Variants in CERT1 observed in about 807,000 individuals in gnomAD.
CERT1 encodes ceramide transporter 1, also known as ceramide transfer protein.
Under a neutral mutation model 87.9 loss-of-function variants are expected in CERT1, and 31 were observed. The observed-to-expected ratio is 0.35, with a 90% CI of 0.27 to 0.48. The LOEUF (loss-of-function observed/expected upper bound fraction) is 0.48. Ranked by LOEUF, CERT1 falls within the 20% of genes least tolerant of loss-of-function variation. CERT1 has a pLI of 0.99. For synonymous variants in CERT1, 289 were observed against 250.9 expected (o/e 1.15, Z -1.44); for missense variants, 487 against 758.0 (o/e 0.64, Z 4.20).
rs897232917 is a variant in CERT1 at position 75,511,578 on chromosome 5, G to A, written c.-371C>T. The A allele has an allele frequency of 6.8e-7, 1 of 1,462,600 alleles. No homozygotes were observed. Among genetic ancestry groups the A allele is most frequent in the African/African-American group, 1.4e-5 (1 of 70,836 alleles). 90.6% of individuals were successfully genotyped at this position (1,462,600 alleles called of 1,614,324 possible). A position where few individuals can be genotyped will look rare whatever the true frequency, so the allele number is the denominator to read the frequency against. ...AGAAAATCCGGCCGCTGAGTCCCGC[G>A]TCCACTCACACCTCCGCTACCGCCG... On this transcript the variant is annotated 5_prime_UTR_variant, in exon 1 of 17. It adds an upstream start codon to the 5' untranslated region. Transcript: ENST00000643780.
chr5:75,423,109 A>G (rs1198536625), intron 5 of CERT1, among the ~76,000 whole-genome samples: 1 of 152,242 alleles, frequency 6.6e-6, no homozygotes, highest in Non-Finnish European at 1.5e-5. Context: ...TTAAACATGT[A>G]GCAGAAAAGA....
intron 2 of CERT1, among the ~76,000 whole-genome samples, chr5:75,461,253 G>A (rs974273587): frequency 2.6e-5 from 4 of 152,218 alleles, no homozygotes; most frequent in Admixed American, 2.6e-4. Flanking sequence ...TCTGCCTCCT[G>A]TCAGATCAGC....
rs887561619 is a variant in CERT1, at chr5:75,511,427, A to C, written c.-220T>G. 1.3e-6 allele frequency: 2 copies of C among 1,540,214 alleles called. No homozygotes were observed. Among genetic ancestry groups the C allele is most frequent in the African/African-American group, 2.8e-5 (2 of 72,556 alleles). ...GGAGGACGAGCGGTGAAGGAAGCCT[A>C]CCCTTCCAGCCGTCAGCCGCCGCCG... On this transcript the variant is annotated 5_prime_UTR_variant, in exon 1 of 17. Transcript: ENST00000643780.
intron 8 of CERT1, among the ~76,000 whole-genome samples, chr5:75,406,285 C>G (rs1488597417): frequency 2.0e-5 from 3 of 152,216 alleles, no homozygotes; most frequent in Admixed American, 1.3e-4. Context: ...GGAAAACACT[C>G]TTTACTCAAT....
At chr5:75,368,822 AAAC>A (rs1760982420) in intron 17 of CERT1, 1 of 152,244 alleles carries the variant, frequency 6.6e-6, no homozygotes, top group Non-Finnish European at 1.5e-5. Context: ...GTTGAAAATA[AAAC>A]AATAATGTAC....
chr5:75,377,193 G>C (rs1468295441), downstream of CERT1: 1 of 152,188 alleles, frequency 6.6e-6, no homozygotes, highest in African/African-American at 2.4e-5. Flanking sequence ...AAACTACACT[G>C]AGAGAGTATT....
chr5:75,471,205 C>T (rs1765691710), intron 2 of CERT1, among the ~76,000 whole-genome samples: 1 of 152,156 alleles, frequency 6.6e-6, no homozygotes, highest in Admixed American at 6.6e-5. Flanking sequence ...ATTTCGTCAG[C>T]TATACATATC....
intron 2 of CERT1, among the ~76,000 whole-genome samples, chr5:75,486,814 C>T (rs56859362): frequency 2.6e-5 from 4 of 151,814 alleles, no homozygotes; most frequent in Non-Finnish European, 4.4e-5. Context: ...TATAAAACAG[C>T]GATTCAAGAA....
intron 2 of CERT1, among the ~76,000 whole-genome samples, chr5:75,502,143 A>G (rs1486119733): frequency 6.6e-6 from 1 of 152,168 alleles, no homozygotes; most frequent in East Asian, 1.9e-4. Context: ...AACCAAAAAA[A>G]AAGTGCATAA....
intron 2 of CERT1, among the ~76,000 whole-genome samples, chr5:75,485,312 C>CAAAAATACAAAAAAAA (rs1766461326): frequency 2.2e-5 from 1 of 46,440 alleles, no homozygotes; most frequent in Non-Finnish European, 3.7e-5. Context: ...CACAAAAATA[C>CAAAAATACAAAAAAAA]AAAAAAAAAA....
intron 6 of CERT1, 65 bp downstream of exon 6, chr5:75,419,276 G>T (rs1258785862): frequency 4.8e-6 from 5 of 1,031,760 alleles, no homozygotes; most frequent in Non-Finnish European, 7.3e-6. Context: ...ATTATTTCTT[G>T]TGAGTTGTTA....
chr5:75,451,368 A>C (rs745880383), intron 3 of CERT1, among the ~76,000 whole-genome samples: 20 of 152,176 alleles, frequency 1.3e-4, no homozygotes, highest in African/African-American at 1.9e-4. Flanking sequence ...AAAATGGCAG[A>C]GCCCCGACTA....
chr5:75,383,228 G>C (rs1203907797), intron 14 of CERT1, among the ~76,000 whole-genome samples: 1 of 151,968 alleles, frequency 6.6e-6, no homozygotes, highest in Admixed American at 6.6e-5. Context: ...TTGAAAAAAT[G>C]ATTCCAGGAC....
At chr5:75,460,104 A>G (rs1298321415) in intron 2 of CERT1, among the ~76,000 whole-genome samples, 1 of 152,076 alleles carries the variant, frequency 6.6e-6, no homozygotes, top group Non-Finnish European at 1.5e-5. Context: ...GTGCCGAGCT[A>G]AAAGCATATA....
Position 75,385,801 on chromosome 5 carries a change from A to G in CERT1, c.1417+101T>C, listed in dbSNP as rs910306692. 2.3e-5 allele frequency: 21 copies of G among 897,780 alleles called. No individual in the cohort carries two copies. The Admixed American group carries it at 8.3e-4, about 36-fold the overall frequency. 55.6% of individuals were successfully genotyped at this position (897,780 alleles called of 1,614,324 possible). A position where few individuals can be genotyped will look rare whatever the true frequency, so the allele number is the denominator to read the frequency against. Reference sequence around the variant, plus strand: ...CTATATGATTTTCCAAATACTTTCTACGTTGACTTTGTAAACTATGTAGGA... The same window carrying G: ...CTATATGATTTTCCAAATACTTTCTGCGTTGACTTTGTAAACTATGTAGGA... On this transcript the variant is annotated intron_variant, in intron 13 of 16. Transcript: ENST00000643780.
At chr5:75,409,043 A>G (rs1053046967) in intron 8 of CERT1, among the ~76,000 whole-genome samples, 2 of 152,128 alleles carry the variant, frequency 1.3e-5, no homozygotes, top group African/African-American at 4.8e-5. Flanking sequence ...AATTTAAAAC[A>G]TGGGCTTTAT....
intron 11 of CERT1, among the ~76,000 whole-genome samples, chr5:75,396,586 G>A (rs1762262833): frequency 6.6e-6 from 1 of 151,934 alleles, no homozygotes; most frequent in Non-Finnish European, 1.5e-5. Flanking sequence ...AAAATTAGCT[G>A]GGTGTGGTGG....
intron 2 of CERT1, among the ~76,000 whole-genome samples, chr5:75,465,794 T>A (rs1765430573): frequency 1.3e-5 from 2 of 152,154 alleles, no homozygotes; most frequent in Non-Finnish European, 2.9e-5. Flanking sequence ...GTCTCTTGAT[T>A]CTCTGTATTG....
downstream of CERT1, chr5:75,375,411 C>T (rs1761255471): frequency 6.6e-6 from 1 of 151,388 alleles, no homozygotes; most frequent in South Asian, 2.1e-4. Flanking sequence ...ATGGTGAAAC[C>T]CCAACTCTAC....
Sources: gnomAD v4.1 joint callset for allele counts (sites outside exome capture counted in the v4.1 genomes callset) on GRCh38, gnomAD v4.1.1 for gene constraint, MANE v1.5 for transcripts, NCBI Gene and HGNC (gene_info 2026-07-23, HGNC 2026-07-21) for gene names.